The following OR12D3 variants were observed in gnomAD, a reference collection of about 807,000 sequenced individuals.
OR12D3 encodes olfactory receptor 12D3.
For synonymous variants in OR12D3, 142 were observed against 138.8 expected (o/e 1.02, Z -0.16); for missense variants, 333 against 386.4 (o/e 0.86, Z 1.16).
chr6:29,374,500 G>A lies in OR12D3; in HGVS notation c.788C>T (p.Ser263Leu), dbSNP rs749474446. Residue 263 changes from serine to leucine, a missense_variant, in exon 1 of 1, where the codon TCA becomes TTA. By Grantham distance (145) the Ser-to-Leu change is moderately radical. Transcript: ENST00000396806. Reference sequence around the variant, plus strand: ...CCGGTCCTGAATCATGGAGGTGGCTGAAGCAGGACGAATATATGTGAAGCC... The same window carrying A: ...CCGGTCCTGAATCATGGAGGTGGCTAAAGCAGGACGAATATATGTGAAGCC... ...PVGFTYIRPASATSMIQDRIM... is the reference protein window; with the variant it reads ...PVGFTYIRPALATSMIQDRIM... 6.2e-7 allele frequency: 1 copy of A among 1,612,928 alleles called. No homozygotes were observed. Among genetic ancestry groups the A allele is most frequent in the African/African-American group, 1.3e-5 (1 of 74,922 alleles).
Position 29,374,960 on chromosome 6 carries a change from C to A in OR12D3, c.328G>T (p.Ala110Ser), listed in dbSNP as rs1189282357. The A allele has an allele frequency of 5.6e-6, 9 of 1,613,950 alleles. No homozygotes were observed. The highest frequency in any genetic ancestry group is 5.0e-5 in the Admixed American group (3 of 60,018). The change falls in exon 1 of 1, where the codon GCC becomes TCC. Residue 110 changes from alanine to serine, a missense_variant. Physicochemically the swap from Ala to Ser is moderately conservative, Grantham distance 99. Transcript: ENST00000396806. ...AAGGCCATGATAGCCAGTAAAATGG[C>A]CTCTGTGCTTCCCAAAAAGTGGAAG... ...HFFHFLGSTE[A>S]ILLAIMAFDR...
chr6:29,375,121 G>C lies in OR12D3; in HGVS notation c.167C>G (p.Pro56Arg). ...MVVLEPQLHS[P>R]MYFFLGNLSC... ...AAGGTTTCCCAGAAAAAAATACATA[G>C]GGGAGTGGAGTTGTGGTTCCAAAAC... The change falls in exon 1 of 1, where the codon CCT (proline) becomes CGT (arginine). Residue 56 changes from proline to arginine, a missense_variant. Transcript: ENST00000396806. 1 of 1,612,948 alleles carries C rather than the reference G, an allele frequency of 6.2e-7. No individual in the cohort carries two copies. Among genetic ancestry groups the C allele is most frequent in the Non-Finnish European group, 8.5e-7 (1 of 1,179,992 alleles).
At position 29,374,302 on chromosome 6, in the gene OR12D3, C is replaced by A. The variant is rs866658653; in HGVS notation, c.*35G>T. 4 of 1,436,090 alleles carry A rather than the reference C, an allele frequency of 2.8e-6. No homozygotes were observed. The African/African-American group carries it at 5.7e-5, about 20-fold the overall frequency. 89.0% of individuals were successfully genotyped at this position (1,436,090 alleles called of 1,614,324 possible). A position where few individuals can be genotyped will look rare whatever the true frequency, so the allele number is the denominator to read the frequency against. On this transcript the variant is annotated 3_prime_UTR_variant, in exon 1 of 1. Transcript: ENST00000396806. ...TTTCTTACAGTGAAGTGATGGAAATCAGTCTTAATAGAAATCAGATATCCC... is the reference window on the plus strand; with the variant it reads ...TTTCTTACAGTGAAGTGATGGAAATAAGTCTTAATAGAAATCAGATATCCC...
chr6:29,375,134 G>T lies in OR12D3; in HGVS notation c.154C>A (p.Gln52Lys). The T allele has an allele frequency of 6.2e-7, 1 of 1,613,000 alleles. No individual in the cohort carries two copies. The highest frequency in any genetic ancestry group is 1.3e-5 in the African/African-American group (1 of 75,046). The change falls in exon 1 of 1, where the codon CAA (glutamine) becomes AAA (lysine). Residue 52 changes from glutamine to lysine, a missense_variant. By Grantham distance (53) the Gln-to-Lys change is moderately conservative. Coordinates refer to ENST00000396806, the MANE Select transcript of OR12D3 (RefSeq NM_030959.3). Reference sequence around the variant, plus strand: ...AAAAAATACATAGGGGAGTGGAGTTGTGGTTCCAAAACAACCATCACCAAT... The same window carrying T: ...AAAAAATACATAGGGGAGTGGAGTTTTGGTTCCAAAACAACCATCACCAAT... Reference protein sequence around the residue: ...SILVMVVLEPQLHSPMYFFLG... With the variant: ...SILVMVVLEPKLHSPMYFFLG...
At position 29,373,593 on chromosome 6, in the gene OR12D3, A is replaced by C; in HGVS notation, c.*744T>G. 1 of 156,794 alleles carries C rather than the reference A, an allele frequency of 6.4e-6. No homozygotes were observed. Among genetic ancestry groups the C allele is most frequent in the East Asian group, 1.9e-4 (1 of 5,376 alleles). The allele number at this position is 156,794 out of a possible 1,614,324, so 9.7% of individuals were successfully genotyped here. A position where few individuals can be genotyped will look rare whatever the true frequency, so the allele number is the denominator to read the frequency against. On this transcript the variant is annotated 3_prime_UTR_variant, in exon 1 of 1. Coordinates refer to ENST00000396806, the MANE Select transcript of OR12D3 (RefSeq NM_030959.3). ...AAAATGCAGTTAGATAGAATGAAGAACTTCTAGTATTCAACAGTAAACTAA... is the reference window on the plus strand; with the variant it reads ...AAAATGCAGTTAGATAGAATGAAGACCTTCTAGTATTCAACAGTAAACTAA...
chr6:29,375,251 G>C lies in OR12D3; in HGVS notation c.37C>G (p.Leu13Val). The C allele has an allele frequency of 6.3e-7, 1 of 1,595,468 alleles. No homozygotes were observed. Among genetic ancestry groups the C allele is most frequent in the Non-Finnish European group, 8.5e-7 (1 of 1,174,798 alleles). ...NVTTMNEFLL[L>V]GLTGVQELQP... The stretch of plus-strand genomic sequence containing the variant: ...AGCTCCTGAACACCAGTCAGGCCAA[G>C]TAGAAGAAACTCATTCATTGTAGTG... Residue 13 changes from leucine to valine, a missense_variant, in exon 1 of 1, where the codon CTT becomes GTT. By Grantham distance (32) the Leu-to-Val change is conservative. Coordinates refer to ENST00000396806, the MANE Select transcript of OR12D3 (RefSeq NM_030959.3).
chr6:29,375,212 A>AT lies in OR12D3; in HGVS notation c.75_76insA (p.Phe26IlefsTer94). 1.2e-6 allele frequency: 2 copies of AT among 1,612,090 alleles called. No individual in the cohort carries two copies. ...AGGTAAATGATTAAGAAAATCCCAA[A>AT]GAAGAAAGGCTGCAGCTCCTGAACA... On this transcript the variant is annotated frameshift_variant, in exon 1 of 1. Coordinates refer to ENST00000396806, the MANE Select transcript of OR12D3 (RefSeq NM_030959.3). LOFTEE classifies it low-confidence loss of function (END_TRUNC).
chr6:29,374,992 A>G lies in OR12D3; in HGVS notation c.296T>C (p.Leu99Pro), dbSNP rs1779346496. 1 of 1,613,924 alleles carries G rather than the reference A, an allele frequency of 6.2e-7. No homozygotes were observed. The highest frequency in any genetic ancestry group is 1.3e-5 in the African/African-American group (1 of 75,058). ...AISFLGCITQ[L>P]HFFHFLGSTE... The stretch of plus-strand genomic sequence containing the variant: ...GCTTCCCAAAAAGTGGAAGAAGTGT[A>G]GCTGGGTGATACAGCCTAGAAAAGA... The change falls in exon 1 of 1, where the codon CTA becomes CCA. Residue 99 changes from leucine (L) to proline (P), a missense_variant. By Grantham distance (98) the Leu-to-Pro change is moderately conservative. Coordinates refer to ENST00000396806, the MANE Select transcript of OR12D3 (RefSeq NM_030959.3).
rs1173549384 is a variant in OR12D3 at position 29,374,713 on chromosome 6, A to T, written c.575T>A (p.Leu192His). ...LLELACSDTL[L>H]NQWLLSIVTG... Reference sequence around the variant, plus strand: ...GACAATGGAAAGAAGCCATTGATTGAGTAATGTGTCACTACAGGCCAATTC... The same window carrying T: ...GACAATGGAAAGAAGCCATTGATTGTGTAATGTGTCACTACAGGCCAATTC... Residue 192 changes from leucine (L) to histidine (H), a missense_variant, in exon 1 of 1, where the codon CTC (leucine) becomes CAC (histidine). Physicochemically the swap from Leu to His is moderately conservative, Grantham distance 99 (BLOSUM62 -3). Coordinates refer to ENST00000396806, the MANE Select transcript of OR12D3 (RefSeq NM_030959.3). The T allele has an allele frequency of 6.2e-7, 1 of 1,611,940 alleles. No individual in the cohort carries two copies. The highest frequency in any genetic ancestry group is 8.5e-7 in the Non-Finnish European group (1 of 1,180,018).
Position 29,374,767 on chromosome 6 carries a change from T to G in OR12D3, c.521A>C (p.His174Pro). 1 of 1,613,074 alleles carries G rather than the reference T, an allele frequency of 6.2e-7. No individual in the cohort carries two copies. The highest frequency in any genetic ancestry group is 8.5e-7 in the Non-Finnish European group (1 of 1,179,994). ...GAGCGGCTTGACATCGTAGAAGAAG[T>G]GATTGAGTTTCTGAGAGCCACAAAA... ...LSFCGSQKLN[H>P]FFYDVKPLLE... Residue 174 changes from histidine to proline, a missense_variant, in exon 1 of 1, where the codon CAC becomes CCC. Coordinates refer to ENST00000396806, the MANE Select transcript of OR12D3 (RefSeq NM_030959.3).
At position 29,375,149 on chromosome 6, in the gene OR12D3, C is replaced by A; in HGVS notation, c.139G>T (p.Val47Phe). ...LIGNGSILVMVVLEPQLHSPM... is the reference protein window; with the variant it reads ...LIGNGSILVMFVLEPQLHSPM... ...GAGTGGAGTTGTGGTTCCAAAACAA[C>A]CATCACCAATATAGATCCATTTCCA... is the stretch of plus-strand genomic sequence containing the variant. The change falls in exon 1 of 1, where the codon GTT becomes TTT. Residue 47 changes from valine to phenylalanine, a missense_variant. Val to Phe is a conservative substitution (Grantham distance 50). Coordinates refer to ENST00000396806, the MANE Select transcript of OR12D3 (RefSeq NM_030959.3). 6.2e-7 allele frequency: 1 copy of A among 1,612,868 alleles called. No homozygotes were observed. Among genetic ancestry groups the A allele is most frequent in the Non-Finnish European group, 8.5e-7 (1 of 1,179,974 alleles).
In OR12D3 at chr6:29,373,888, C is replaced by T. The variant is rs1429511275; in HGVS notation, c.*449G>A. The T allele has an allele frequency of 7.5e-6, 3 of 397,604 alleles. No homozygotes were observed. Among genetic ancestry groups the T allele is most frequent in the Admixed American group, 4.4e-5 (1 of 22,764 alleles). The allele number at this position is 397,604 out of a possible 1,614,324, so 24.6% of individuals were successfully genotyped here. On this transcript the variant is annotated 3_prime_UTR_variant, in exon 1 of 1. Transcript: ENST00000396806. ...GTTGTGAGAAAAATTATCATCAGTA[C>T]TTTCCTGCTGAAGGAAACACAAAAG...
Position 29,375,107 on chromosome 6 carries a change from G to GA in OR12D3, c.180dup (p.Leu61SerfsTer59), listed in dbSNP as rs762417164. The GA allele has an allele frequency of 4.3e-6, 7 of 1,611,254 alleles. No homozygotes were observed. The highest frequency in any genetic ancestry group is 5.9e-6 in the Non-Finnish European group (7 of 1,179,494). On this transcript the variant is annotated frameshift_variant, in exon 1 of 1. Transcript: ENST00000396806. LOFTEE classifies it low-confidence loss of function (END_TRUNC). The stretch of plus-strand genomic sequence containing the variant: ...ATATCCAGACAAGAAAGGTTTCCCA[G>GA]AAAAAAATACATAGGGGAGTGGAGT...
chr6:29,375,247 C>A lies in OR12D3; in HGVS notation c.41G>T (p.Gly14Val), dbSNP rs887193081. ...CTGCAGCTCCTGAACACCAGTCAGG[C>A]CAAGTAGAAGAAACTCATTCATTGT... ...VTTMNEFLLLGLTGVQELQPF... is the reference protein window; with the variant it reads ...VTTMNEFLLLVLTGVQELQPF... Residue 14 changes from glycine (G) to valine (V), a missense_variant, in exon 1 of 1, where the codon GGC becomes GTC. Coordinates refer to ENST00000396806, the MANE Select transcript of OR12D3 (RefSeq NM_030959.3). 6.3e-7 allele frequency: 1 copy of A among 1,597,194 alleles called. No individual in the cohort carries two copies. Among genetic ancestry groups the A allele is most frequent in the African/African-American group, 1.4e-5 (1 of 73,722 alleles).
chr6:29,373,772 G>A lies in OR12D3; in HGVS notation c.*565C>T, dbSNP rs141043410. 1.4e-3 allele frequency: 546 copies of A among 377,054 alleles called. 11 individuals are homozygous for A. In the East Asian group the frequency reaches 0.021, roughly 14 times the overall value. 23.4% of individuals were successfully genotyped at this position (377,054 alleles called of 1,614,324 possible). A position where few individuals can be genotyped will look rare whatever the true frequency, so the allele number is the denominator to read the frequency against. ...TGGGGAAAAACAAGATATTTTCAAT[G>A]GCTAGAAAAATCTCTCCCTAAAATT... On this transcript the variant is annotated 3_prime_UTR_variant, in exon 1 of 1. Coordinates refer to ENST00000396806, the MANE Select transcript of OR12D3 (RefSeq NM_030959.3).
At position 29,374,929 on chromosome 6, in the gene OR12D3, C is replaced by T. The variant is rs200720757; in HGVS notation, c.359G>A (p.Arg120His). The T allele has an allele frequency of 5.5e-5, 89 of 1,613,900 alleles. 1 individual carries two copies. Among genetic ancestry groups the T allele is most frequent in the Admixed American group, 1.2e-4 (7 of 60,002 alleles). ...AAGAGGATTGCAGATGGCAACAAAA[C>T]GGTCAAAGGCCATGATAGCCAGTAA... is the stretch of plus-strand genomic sequence containing the variant. ...AILLAIMAFD[R>H]FVAICNPLRY... is the part of the protein sequence containing the mutation. The change falls in exon 1 of 1, where the codon CGT (arginine) becomes CAT (histidine). Residue 120 changes from arginine (R) to histidine (H), a missense_variant. Transcript: ENST00000396806.
Position 29,374,751 on chromosome 6 carries a change from G to C in OR12D3, c.537C>G (p.Val179=), listed in dbSNP as rs1362195787. The C allele has an allele frequency of 3.7e-6, 6 of 1,613,022 alleles. No homozygotes were observed. The highest frequency in any genetic ancestry group is 5.1e-6 in the Non-Finnish European group (6 of 1,180,034). Residue 179 remains valine (V), a synonymous_variant, in exon 1 of 1, where the codon GTC becomes GTG. Coordinates refer to ENST00000396806, the MANE Select transcript of OR12D3 (RefSeq NM_030959.3). ...TACAGGCCAATTCTAAGAGCGGCTT[G>C]ACATCGTAGAAGAAGTGATTGAGTT... is the stretch of plus-strand genomic sequence containing the variant. The part of the protein sequence containing the change: ...SQKLNHFFYD[V]KPLLELACSD...
Position 29,374,431 on chromosome 6 carries a change from G to A in OR12D3, c.857C>T (p.Pro286Leu). 1.9e-6 allele frequency: 3 copies of A among 1,612,694 alleles called. No homozygotes were observed. Among genetic ancestry groups the A allele is most frequent in the Non-Finnish European group, 2.5e-6 (3 of 1,179,942 alleles). ...MYSAVTPVLN[P>L]LIYTLRNKEV... is the part of the protein sequence containing the mutation. The stretch of plus-strand genomic sequence containing the variant: ...TTTGTTCCTAAGGGTGTAGATTAGT[G>A]GATTCAGTACAGGGGTGACGGCGCT... Residue 286 changes from proline (P) to leucine (L), a missense_variant, in exon 1 of 1, where the codon CCA becomes CTA. Physicochemically the swap from Pro to Leu is moderately conservative, Grantham distance 98 (BLOSUM62 -3). Coordinates refer to ENST00000396806, the MANE Select transcript of OR12D3 (RefSeq NM_030959.3).
Position 29,374,475 on chromosome 6 carries a change from C to T in OR12D3, c.813G>A (p.Arg271=), listed in dbSNP as rs1222081768. ...PASATSMIQD[R]IMAIMYSAVT... The stretch of plus-strand genomic sequence containing the variant: ...CGGCGCTATACATGATGGCCATTAT[C>T]CGGTCCTGAATCATGGAGGTGGCTG... Residue 271 remains arginine (R), a synonymous_variant, in exon 1 of 1, where the codon CGG becomes CGA. Transcript: ENST00000396806. 1 of 1,612,956 alleles carries T rather than the reference C, an allele frequency of 6.2e-7. No individual in the cohort carries two copies. Among genetic ancestry groups the T allele is most frequent in the Non-Finnish European group, 8.5e-7 (1 of 1,180,010 alleles).
Sources: gnomAD v4.1 joint callset for allele counts on GRCh38, gnomAD v4.1.1 for gene constraint, MANE v1.5 for transcripts, NCBI Gene and HGNC (gene_info 2026-07-23, HGNC 2026-07-21) for gene names.